SENP2: variants seen among roughly 807,000 people sequenced by gnomAD.
SENP2 encodes the protein sentrin-specific protease 2.
In SENP2, 16 loss-of-function variants were observed where a neutral mutation model predicts 86.3. The ratio of observed to expected loss-of-function variants is 0.19; its 90% confidence interval spans 0.13 to 0.28. The LOEUF (loss-of-function observed/expected upper bound fraction) is 0.28, where lower values mean the gene tolerates loss of function less well. SENP2 is among the 10% of genes least tolerant of loss of function. SENP2 has a pLI of 1.00. For missense variants in SENP2, 552 were observed against 703.0 expected (o/e 0.79, Z 2.43); for synonymous variants, 222 against 238.7 (o/e 0.93, Z 0.64).
At chr3:185,587,752 T>TTTTTTTTTTTTG (rs1721840463) in intron 1 of SENP2, among the ~76,000 whole-genome samples, 4 of 141,230 alleles carry the variant, frequency 2.8e-5, no homozygotes, top group Admixed American at 7.2e-5. Context: ...TTTTTTTTTT[T>TTTTTTTTTTTTG]GAGACAGAGT....
At chr3:185,602,832 T>TAAAAAA (rs1156317272) in intron 5 of SENP2, among the ~76,000 whole-genome samples, 1 of 63,042 alleles carries the variant, frequency 1.6e-5, no homozygotes, top group African/African-American at 6.8e-5. Context: ...GACTCTGTCT[T>TAAAAAA]AAAAAAAAAA....
chr3:185,625,713 C>G (rs140936544), intron 15 of SENP2, among the ~76,000 whole-genome samples: 29 of 152,314 alleles, frequency 1.9e-4, no homozygotes, highest in African/African-American at 6.0e-4. Context: ...CAGAACTTCT[C>G]TCTGTCCACC....
In SENP2 at chr3:185,614,645, C is replaced by T; in HGVS notation, c.1015C>T (p.Leu339Phe). The T allele has an allele frequency of 6.2e-7, 1 of 1,614,206 alleles. No homozygotes were observed. The highest frequency in any genetic ancestry group is 1.1e-5 in the South Asian group (1 of 91,090). ...LRLGSGSNGL[L>F]RRKVSIIETK... is the part of the protein sequence containing the mutation. ...CCTGGGCAGTGGAAGCAATGGCTTA[C>T]TCAGGAGGAAAGTGTCAATAATTGA... Residue 339 changes from leucine to phenylalanine, a missense_variant, in exon 11 of 17, where the codon CTC (leucine) becomes TTC (phenylalanine). By Grantham distance (22) the Leu-to-Phe change is conservative. Coordinates refer to ENST00000296257, the MANE Select transcript of SENP2 (RefSeq NM_021627.3).
At position 185,619,957 on chromosome 3, in the gene SENP2, C is replaced by T. The variant is rs143300024; in HGVS notation, c.1446+455C>T. Among the ~76,000 whole-genome samples, 406 of 151,788 alleles carry T rather than the reference C, an allele frequency of 2.7e-3. 2 individuals are homozygous for T. Among genetic ancestry groups the T allele is most frequent in the African/African-American group, 9.3e-3 (385 of 41,418 alleles). On this transcript the variant is annotated intron_variant, in intron 13 of 16. Transcript: ENST00000296257. ...CTATGTTGCCCTGGTTGGTATCCAACGCCTGGCCTCAAGTGGTTCTCCTGC... is the reference window on the plus strand; with the variant it reads ...CTATGTTGCCCTGGTTGGTATCCAATGCCTGGCCTCAAGTGGTTCTCCTGC...
chr3:185,592,011 C>CTTTTTTTTTT (rs149268515), intron 2 of SENP2, among the ~76,000 whole-genome samples: 8,054 of 65,336 alleles, frequency 0.12, 2,058 homozygotes, highest in Non-Finnish European at 0.14. Flanking sequence ...GGTAATATTT[C>CTTTTTTTTTT]TTTTTTTTTT....
chr3:185,599,598 G>T (rs185887406), intron 4 of SENP2, among the ~76,000 whole-genome samples: 4 of 152,238 alleles, frequency 2.6e-5, no homozygotes, highest in Admixed American at 6.6e-5. Context: ...GTAAAGTTGG[G>T]GGGGAAGGAA....
intron 11 of SENP2, among the ~76,000 whole-genome samples, chr3:185,616,316 C>T (rs1577736615): frequency 6.7e-6 from 1 of 149,764 alleles, no homozygotes; most frequent in Non-Finnish European, 1.5e-5. Context: ...ACCAAAAATA[C>T]AAAAAAATAG....
At chr3:185,590,889 A>AAAG in intron 2 of SENP2, among the ~76,000 whole-genome samples, 2 of 143,298 alleles carry the variant, frequency 1.4e-5, no homozygotes, top group African/African-American at 5.2e-5. Context: ...AAAAAAAAAA[A>AAAG]AAGAAAGTCT....
intron 5 of SENP2, among the ~76,000 whole-genome samples, chr3:185,601,639 CTTTTTTT>C (rs4012716): frequency 1.7e-5 from 2 of 116,772 alleles, no homozygotes; most frequent in African/African-American, 3.3e-5. Flanking sequence ...GTTGTTCTTG[CTTTTTTT>C]TTTTTTTTTT....
intron 16 of SENP2, among the ~76,000 whole-genome samples, chr3:185,628,151 T>A (rs1034815263): frequency 3.3e-5 from 5 of 152,048 alleles, no homozygotes; most frequent in African/African-American, 1.2e-4. Flanking sequence ...ATTATTATTA[T>A]TTTGAGATGG....
At chr3:185,612,302 A>T (rs1393400517) in intron 8 of SENP2, 8 of 238,156 alleles carry the variant, frequency 3.4e-5, no homozygotes, top group Non-Finnish European at 6.5e-5. Context: ...TGTGAGCTGA[A>T]ATTTTATTAT....
chr3:185,624,231 T>C (rs1418300617), intron 15 of SENP2, 149 bp downstream of exon 15: 1 of 577,668 alleles, frequency 1.7e-6, no homozygotes. Context: ...TTTGTAGAGA[T>C]GGGATCTTGC....
chr3:185,590,241 AGGTAAAAAGTATCT>A (rs1334543599), intron 2 of SENP2, 72 bp downstream of exon 2: 6 of 797,442 alleles, frequency 7.5e-6, no homozygotes, highest in Non-Finnish European at 9.8e-6. Context: ...AAAATTCAAA[AGGTAAAAAGTATCT>A]GGTAAAAAGT....
At chr3:185,614,951 G>T (rs796269179) in intron 11 of SENP2, among the ~76,000 whole-genome samples, 14 of 152,262 alleles carry the variant, frequency 9.2e-5, no homozygotes, top group African/African-American at 3.4e-4. Context: ...TTGATATTCA[G>T]CAAATGGGGA....
At chr3:185,601,728 C>A (rs1722353496) in intron 5 of SENP2, among the ~76,000 whole-genome samples, 1 of 150,412 alleles carries the variant, frequency 6.6e-6, no homozygotes, top group African/African-American at 2.5e-5. Context: ...GCCTCCGCCT[C>A]CTGGGTTCAA....
chr3:185,598,495 A>G lies in SENP2; in HGVS notation c.241A>G (p.Met81Val), dbSNP rs1354480998. Residue 81 changes from methionine to valine, a missense_variant, in exon 3 of 17, where the codon ATG becomes GTG. Met to Val is a conservative substitution (Grantham distance 21). Transcript: ENST00000296257. ...CCCATTCCAGCTGACCACAAAGCCC[A>G]TGGTAACTTCTGCTTGTAATGGAAC... ...GFPFQLTTKP[M>V]VTSACNGTRN... The G allele has an allele frequency of 2.5e-6, 4 of 1,614,130 alleles. No individual in the cohort carries two copies. Among genetic ancestry groups the G allele is most frequent in the Non-Finnish European group, 3.4e-6 (4 of 1,180,016 alleles).
chr3:185,601,750 A>G (rs567971384), intron 5 of SENP2, among the ~76,000 whole-genome samples: 14 of 143,494 alleles, frequency 9.8e-5, no homozygotes, highest in Non-Finnish European at 1.7e-4. Context: ...CAATTTTCCC[A>G]CCTCAGCCTC....
At chr3:185,596,969 T>G (rs968924180) in intron 2 of SENP2, among the ~76,000 whole-genome samples, 2 of 152,200 alleles carry the variant, frequency 1.3e-5, no homozygotes, top group Non-Finnish European at 2.9e-5. Context: ...TTCTCCTGCC[T>G]CAGCCTGCCA....
intron 4 of SENP2, 130 bp downstream of exon 4, chr3:185,599,154 A>G: frequency 1.5e-6 from 1 of 646,220 alleles, no homozygotes; most frequent in Non-Finnish European, 2.7e-6. Context: ...TACCGTTCTA[A>G]AAAGCAAATA....
Sources: allele counts gnomAD v4.1 joint callset (sites outside exome capture counted in the v4.1 genomes callset), GRCh38; gene constraint gnomAD v4.1.1; transcripts MANE v1.5; gene names NCBI Gene and HGNC (gene_info 2026-07-23, HGNC 2026-07-21).